SLCO3A1: variants seen among roughly 807,000 people sequenced by gnomAD.
The protein encoded by SLCO3A1 is solute carrier organic anion transporter family member 3A1.
SLCO3A1 carries 27 observed loss-of-function variants against 63.1 expected under a neutral mutation model. That is an observed-to-expected ratio of 0.43 (90% CI 0.32 to 0.59). The LOEUF (loss-of-function observed/expected upper bound fraction) is 0.59. Among genes scored for constraint, SLCO3A1 ranks in the 20% least tolerant of loss-of-function variants. The pLI, the probability that SLCO3A1 is intolerant of heterozygous loss-of-function variation, is 0.09. For missense variants in SLCO3A1, 773 were observed against 945.8 expected (o/e 0.82, Z 2.40); for synonymous variants, 473 against 409.9 (o/e 1.15, Z -1.86).
At chr15:91,871,057 T>A (rs1897268522) in intron 1 of SLCO3A1, among the ~76,000 whole-genome samples, 1 of 152,238 alleles carries the variant, frequency 6.6e-6, no homozygotes, top group South Asian at 2.1e-4. Context: ...TCCAGGAGTC[T>A]GTGTTTAAAG....
chr15:91,854,868 A>T lies in SLCO3A1; in HGVS notation c.180+780A>T, dbSNP rs1369056644. 6.6e-6 allele frequency among the ~76,000 whole-genome samples: 1 copy of T among 152,154 alleles called. No individual in the cohort carries two copies. Among genetic ancestry groups the T allele is most frequent in the Non-Finnish European group, 1.5e-5 (1 of 68,032 alleles). ...CCAGAAAGGGGATGTTAATGCTCAG[A>T]GGGCCCATGGGTGCGTAACATTTCA... On this transcript the variant is annotated intron_variant, in intron 1 of 9. Coordinates refer to ENST00000318445, the MANE Select transcript of SLCO3A1 (RefSeq NM_013272.4). The surrounding 1 kb of genome is among the most constrained non-coding windows in gnomAD (Gnocchi z 6.4).
At position 91,853,942 on chromosome 15, in the gene SLCO3A1, G is replaced by A; in HGVS notation, c.34G>A (p.Gly12Ser). The A allele has an allele frequency of 6.8e-7, 1 of 1,467,472 alleles. No homozygotes were observed. Among genetic ancestry groups the A allele is most frequent in the Non-Finnish European group, 9.1e-7 (1 of 1,103,260 alleles). The allele number at this position is 1,467,472 out of a possible 1,614,324, so 90.9% of individuals were successfully genotyped here. A position where few individuals can be genotyped will look rare whatever the true frequency, so the allele number is the denominator to read the frequency against. Reference protein sequence around the residue: ...QGKKPGGSSGGGRSGELQGDE... With the variant: ...QGKKPGGSSGSGRSGELQGDE... Reference sequence around the variant, plus strand: ...GAAGAAGCCGGGCGGTTCGTCGGGCGGCGGCCGGAGCGGCGAGCTGCAGGG... The same window carrying A: ...GAAGAAGCCGGGCGGTTCGTCGGGCAGCGGCCGGAGCGGCGAGCTGCAGGG... The change falls in exon 1 of 10, where the codon GGC (glycine) becomes AGC (serine). Residue 12 changes from glycine to serine, a missense_variant. Around this residue, in one of 3 missense-constraint regions of SLCO3A1, gnomAD observed 69 missense variants for 64.6 expected, o/e 1.07. Coordinates refer to ENST00000318445, the MANE Select transcript of SLCO3A1 (RefSeq NM_013272.4).
At chr15:92,074,790 G>GC (rs2047257934) in intron 2 of SLCO3A1, among the ~76,000 whole-genome samples, 3 of 152,086 alleles carry the variant, frequency 2.0e-5, no homozygotes, top group Admixed American at 2.0e-4. Flanking sequence ...GTGGGGGGTG[G>GC]CCAGGAGCTG....
intron 1 of SLCO3A1, among the ~76,000 whole-genome samples, chr15:91,908,236 T>C (rs1036974102): frequency 1.5e-5 from 2 of 137,786 alleles, no homozygotes; most frequent in African/African-American, 2.6e-5. Context: ...AAAATGATGA[T>C]GCTTTTGGTG....
chr15:92,107,344 AC>A, intron 4 of SLCO3A1, among the ~76,000 whole-genome samples: 1 of 152,374 alleles, frequency 6.6e-6, no homozygotes, highest in Non-Finnish European at 1.5e-5. Flanking sequence ...CACATTTTAC[AC>A]ATGCCAGTGC....
At chr15:92,041,142 C>G (rs541983494) in intron 2 of SLCO3A1, among the ~76,000 whole-genome samples, 1 of 152,144 alleles carries the variant, frequency 6.6e-6, no homozygotes, top group Non-Finnish European at 1.5e-5. Context: ...TGCCTAGCCC[C>G]CTTCCCTTGT....
At chr15:92,090,303 G>A (rs901196397) in intron 2 of SLCO3A1, among the ~76,000 whole-genome samples, 10 of 152,198 alleles carry the variant, frequency 6.6e-5, no homozygotes, top group African/African-American at 2.4e-4. Flanking sequence ...AGGTATTGCT[G>A]TGTTTCCCTT....
intron 1 of SLCO3A1, among the ~76,000 whole-genome samples, chr15:91,899,180 A>C (rs1007874414): frequency 4.6e-5 from 7 of 152,228 alleles, no homozygotes; most frequent in Admixed American, 2.0e-4. Flanking sequence ...CACTTGAGTG[A>C]TTCCTAAATA....
At chr15:91,931,388 G>A (rs1899222787) in intron 2 of SLCO3A1, among the ~76,000 whole-genome samples, 1 of 152,112 alleles carries the variant, frequency 6.6e-6, no homozygotes, top group Non-Finnish European at 1.5e-5. Flanking sequence ...GAGGAGAGGG[G>A]CCAGTGGCAT....
intron 1 of SLCO3A1, among the ~76,000 whole-genome samples, chr15:91,889,702 C>T (rs1897823818): frequency 6.6e-6 from 1 of 152,236 alleles, no homozygotes; most frequent in Non-Finnish European, 1.5e-5. Flanking sequence ...GCAGTTTGCC[C>T]AGGCAAATCA....
At chr15:92,016,126 T>A (rs981292613) in intron 2 of SLCO3A1, among the ~76,000 whole-genome samples, 1 of 151,844 alleles carries the variant, frequency 6.6e-6, no homozygotes. Context: ...GAAGATGATG[T>A]GCAAAAAGCC....
chr15:92,165,980 C>T (rs2048490753), downstream of SLCO3A1: 2 of 767,748 alleles, frequency 2.6e-6, no homozygotes, highest in Non-Finnish European at 3.2e-6. Context: ...TGAAAAGTCT[C>T]TCTCTGCTGA....
chr15:92,160,151 G>A (rs145336156), intron 9 of SLCO3A1, among the ~76,000 whole-genome samples: 104 of 152,096 alleles, frequency 6.8e-4, no homozygotes, highest in African/African-American at 2.4e-3. Flanking sequence ...GGAGCATTTG[G>A]GAGCTAATCA....
In SLCO3A1 at chr15:92,033,837, G is replaced by A. The variant is rs760555330; in HGVS notation, c.647-61044G>A. Among the ~76,000 whole-genome samples the A allele has an allele frequency of 6.6e-6, 1 of 152,186 alleles. No individual in the cohort carries two copies. Among genetic ancestry groups the A allele is most frequent in the South Asian group, 2.1e-4 (1 of 4,836 alleles). ...CATCAAGGGAGTGAGGGACAAGCCG[G>A]GAGGTTATCTGGAGGAAAAACATTC... On this transcript the variant is annotated intron_variant, in intron 2 of 9. Transcript: ENST00000318445. This position sits in a 1 kb window ranked among gnomAD's most constrained non-coding sequence, Gnocchi z 4.5.
At chr15:92,117,617 C>T (rs75324827) in intron 4 of SLCO3A1, among the ~76,000 whole-genome samples, 6 of 152,282 alleles carry the variant, frequency 3.9e-5, no homozygotes, top group Non-Finnish European at 8.8e-5. Flanking sequence ...GCTGTTATAA[C>T]CCGACGTGAT....
chr15:92,079,403 T>C (rs1398773837), intron 2 of SLCO3A1, among the ~76,000 whole-genome samples: 1 of 152,202 alleles, frequency 6.6e-6, no homozygotes, highest in East Asian at 1.9e-4. Context: ...GCTGGAAGCC[T>C]GAGATGGTAG....
intron 2 of SLCO3A1, among the ~76,000 whole-genome samples, chr15:92,077,868 C>T (rs576183974): frequency 1.3e-5 from 2 of 152,176 alleles, no homozygotes; most frequent in Non-Finnish European, 2.9e-5. Context: ...GCCATTTCCC[C>T]TTTCTGAGTG....
intron 2 of SLCO3A1, among the ~76,000 whole-genome samples, chr15:91,969,905 T>C (rs1900797365): frequency 6.6e-6 from 1 of 152,160 alleles, no homozygotes. Flanking sequence ...AGAAGAAAAT[T>C]TGACCTGGGC....
At chr15:92,155,618 G>A (rs879357610) in intron 9 of SLCO3A1, among the ~76,000 whole-genome samples, 2 of 144,532 alleles carry the variant, frequency 1.4e-5, no homozygotes, top group Non-Finnish European at 3.2e-5. Flanking sequence ...TTAGCAGGAT[G>A]CAGGATAACC....
Sources: allele counts gnomAD v4.1 joint callset (sites outside exome capture counted in the v4.1 genomes callset), GRCh38; gene constraint gnomAD v4.1.1; regional missense constraint gnomAD v4.1.1; non-coding constraint Gnocchi (gnomAD v3.1); transcripts MANE v1.5; gene names NCBI Gene and HGNC (gene_info 2026-07-23, HGNC 2026-07-21).